PPP4R1: variants seen among roughly 807,000 people sequenced by gnomAD.
The protein encoded by PPP4R1 is protein phosphatase 4 regulatory subunit 1, also known as serine/threonine-protein phosphatase 4 regulatory subunit 1.
Under a neutral mutation model 111.2 loss-of-function variants are expected in PPP4R1, and 42 were observed. That is an observed-to-expected ratio of 0.38 (90% CI 0.29 to 0.49). The LOEUF is 0.49. PPP4R1 is among the 20% of genes least tolerant of loss of function. PPP4R1 has a pLI of 0.97. For synonymous variants in PPP4R1, 409 were observed against 405.5 expected (o/e 1.01, Z -0.10); for missense variants, 1,012 against 1,161.6 (o/e 0.87, Z 1.87).
chr18:9,563,395 T>C lies in PPP4R1; in HGVS notation c.1729A>G (p.Ile577Val). 2 of 1,612,434 alleles carry C rather than the reference T, an allele frequency of 1.2e-6. No homozygotes were observed. Among genetic ancestry groups the C allele is most frequent in the African/African-American group, 1.3e-5 (1 of 75,004 alleles). Residue 577 changes from isoleucine to valine, a missense_variant, in exon 12 of 20, where the codon ATC becomes GTC. Ile to Val is a conservative substitution (Grantham distance 29). Transcript: ENST00000400556. Reference sequence around the variant, plus strand: ...TTTGTTACCTCAACAGCATCGCTGATTAAAGGCACAGAATCTTCTTGATTT... The same window carrying C: ...TTTGTTACCTCAACAGCATCGCTGACTAAAGGCACAGAATCTTCTTGATTT... ...KINQEDSVPL[I>V]SDAVENMDST...
chr18:9,593,667 C>G, intron 4 of PPP4R1, 101 bp downstream of exon 4: 1 of 1,004,296 alleles, frequency 1.0e-6, no homozygotes, highest in Non-Finnish European at 1.5e-6. Context: ...TATTTTAAAG[C>G]TATCTCATAT....
chr18:9,595,607 T>C (rs9962497), intron 2 of PPP4R1, among the ~76,000 whole-genome samples: 7,856 of 152,284 alleles, frequency 0.052, 368 homozygotes, highest in East Asian at 0.2. Flanking sequence ...TAAACAAATA[T>C]TTATTAAATA....
chr18:9,556,029 C>T (rs1046739522), intron 15 of PPP4R1, among the ~76,000 whole-genome samples: 3 of 150,590 alleles, frequency 2.0e-5, no homozygotes, highest in Non-Finnish European at 3.0e-5. Context: ...GGCTTAGTGG[C>T]ACGCACCTGT....
At chr18:9,559,394 C>T (rs768077403) in intron 14 of PPP4R1, 25 bp downstream of exon 14, 39 of 1,579,560 alleles carry the variant, frequency 2.5e-5, no homozygotes, top group Non-Finnish European at 3.1e-5. Context: ...GCACGTTCTG[C>T]TAATTCTTTA....
chr18:9,589,823 G>A (rs62088866), intron 4 of PPP4R1: 9,711 of 152,324 alleles, frequency 0.064, 346 homozygotes, highest in Middle Eastern at 0.095. Context: ...ACTTGAACAC[G>A]GGAGGTGGAG....
chr18:9,601,216 G>A (rs1313637704), intron 2 of PPP4R1, among the ~76,000 whole-genome samples: 1 of 132,910 alleles, frequency 7.5e-6, no homozygotes, highest in African/African-American at 3.4e-5. Context: ...TTTTTTTTTT[G>A]GGGAAAAAAA....
intron 2 of PPP4R1, among the ~76,000 whole-genome samples, chr18:9,595,766 CCAGA>C (rs1406614174): frequency 1.3e-5 from 2 of 151,952 alleles, no homozygotes; most frequent in African/African-American, 4.8e-5. Flanking sequence ...AACTAAAAGG[CCAGA>C]CACCCATTCA....
intron 2 of PPP4R1, among the ~76,000 whole-genome samples, chr18:9,608,038 TC>T (rs202192162): frequency 0.2 from 30,146 of 151,908 alleles, 3,308 homozygotes; most frequent in East Asian, 0.48. Flanking sequence ...CCCGCCTCGT[TC>T]TCCCAAAGTG....
At chr18:9,596,426 G>C (rs7233980) in intron 2 of PPP4R1, among the ~76,000 whole-genome samples, 4 of 152,086 alleles carry the variant, frequency 2.6e-5, no homozygotes, top group African/African-American at 4.8e-5. Context: ...CATCTGGTAC[G>C]TATTAGTTGT....
rs1259011148 is a variant in PPP4R1, at chr18:9,571,028, T to G, written c.1047-345A>C. 2.0e-5 allele frequency among the ~76,000 whole-genome samples: 3 copies of G among 152,178 alleles called. No individual in the cohort carries two copies. In the East Asian group the frequency reaches 5.8e-4, roughly 29 times the overall value. ...GTGGAAACAGAAATTCCTACAATCA[T>G]TTTAAGATACATAACAACATTTAAA... On this transcript the variant is annotated intron_variant, in intron 10 of 19. Coordinates refer to ENST00000400556, the MANE Select transcript of PPP4R1 (RefSeq NM_001042388.3).
intron 2 of PPP4R1, chr18:9,599,836 T>C (rs2067350538): frequency 1.3e-5 from 2 of 152,068 alleles, no homozygotes. Context: ...TTCTGGCCCA[T>C]AAAAAGCAAA....
At chr18:9,616,648 G>A (rs1047364492), upstream of PPP4R1, among the ~76,000 whole-genome samples, 1 of 152,118 alleles carries the variant, frequency 6.6e-6, no homozygotes, top group South Asian at 2.1e-4. Flanking sequence ...CTGTGCTTCA[G>A]CCGCTGGATG....
At chr18:9,562,577 A>C (rs1199024227) in intron 12 of PPP4R1, among the ~76,000 whole-genome samples, 1 of 152,220 alleles carries the variant, frequency 6.6e-6, no homozygotes, top group Non-Finnish European at 1.5e-5. Flanking sequence ...ATAAATAGTC[A>C]GGGCTTCAAT....
At position 9,584,536 on chromosome 18, in the gene PPP4R1, C is replaced by T. The variant is rs1171828629; in HGVS notation, c.738G>A (p.Gln246=). 2 of 1,613,178 alleles carry T rather than the reference C, an allele frequency of 1.2e-6. No homozygotes were observed. Among genetic ancestry groups the T allele is most frequent in the Admixed American group, 3.3e-5 (2 of 59,838 alleles). Residue 246 remains glutamine (Q), a synonymous_variant, in exon 8 of 20, where the codon CAG becomes CAA. Transcript: ENST00000400556. Reference sequence around the variant, plus strand: ...TTACCAACATTTCTTCAGTAGCTTGCTGGCCAACTACACTGCAAATATCTC... The same window carrying T: ...TTACCAACATTTCTTCAGTAGCTTGTTGGCCAACTACACTGCAAATATCTC... ...NFGDICSVVG[Q]QATEEMLLPR...
chr18:9,602,395 A>G (rs1415002948), intron 2 of PPP4R1, among the ~76,000 whole-genome samples: 2 of 133,622 alleles, frequency 1.5e-5, no homozygotes, highest in Non-Finnish European at 3.2e-5. Flanking sequence ...AAAAAAAAAA[A>G]ATTAGCCGGG....
At chr18:9,558,067 T>G (rs1208068934) in intron 14 of PPP4R1, among the ~76,000 whole-genome samples, 1 of 152,234 alleles carries the variant, frequency 6.6e-6, no homozygotes, top group Non-Finnish European at 1.5e-5. Flanking sequence ...GCATTTATAA[T>G]AATTTTAAGT....
chr18:9,550,332 A>G lies in PPP4R1; in HGVS notation c.2358T>C (p.Ala786=), dbSNP rs2066469243. The G allele has an allele frequency of 2.5e-6, 4 of 1,613,180 alleles. 1 individual carries two copies. Among genetic ancestry groups the G allele is most frequent in the Non-Finnish European group, 3.4e-6 (4 of 1,179,060 alleles). The change falls in exon 17 of 20, where the codon GCT becomes GCC. Residue 786 remains alanine, a synonymous_variant. Coordinates refer to ENST00000400556, the MANE Select transcript of PPP4R1 (RefSeq NM_001042388.3). ...AAACTTTGTCTGCACACAGATTCAG[A>G]GCAATGGGACGTAAATAGTCATAAA... The part of the protein sequence containing the change: ...RDVYDYLRPI[A]LNLCADKVSS...
intron 9 of PPP4R1, among the ~76,000 whole-genome samples, chr18:9,579,341 G>A (rs2145166689): frequency 6.6e-6 from 1 of 152,210 alleles, no homozygotes; most frequent in East Asian, 1.9e-4. Flanking sequence ...AAACCCACAA[G>A]TCACTCAAAG....
intron 2 of PPP4R1, among the ~76,000 whole-genome samples, chr18:9,601,265 G>A (rs1391991021): frequency 2.0e-5 from 3 of 150,478 alleles, no homozygotes; most frequent in African/African-American, 4.9e-5. Flanking sequence ...GCTCATGCCT[G>A]TAATCCCAGC....
Sources: gnomAD v4.1 joint callset for allele counts (sites outside exome capture counted in the v4.1 genomes callset) on GRCh38, gnomAD v4.1.1 for gene constraint, MANE v1.5 for transcripts, NCBI Gene and HGNC (gene_info 2026-07-23, HGNC 2026-07-21) for gene names.